PNLIPRP3: variants seen among roughly 807,000 people sequenced by gnomAD.
The protein encoded by PNLIPRP3 is pancreatic lipase-related protein 3.
Under a neutral mutation model 52.8 loss-of-function variants are expected in PNLIPRP3, and 58 were observed. That is an observed-to-expected ratio of 1.10 (90% confidence interval 0.89 to 1.37). The LOEUF (loss-of-function observed/expected upper bound fraction) is 1.37, where lower values mean the gene tolerates loss of function less well. Ranked by LOEUF, PNLIPRP3 falls within the 40% of genes most tolerant of loss-of-function variation. The pLI, the probability that PNLIPRP3 is intolerant of heterozygous loss-of-function variation, is 0.00. For missense variants in PNLIPRP3, 593 were observed against 561.6 expected (o/e 1.06, Z -0.57); for synonymous variants, 192 against 185.0 (o/e 1.04, Z -0.31).
At chr10:116,475,428 A>T (rs770531573) in intron 10 of PNLIPRP3, among the ~76,000 whole-genome samples, 1 of 152,318 alleles carries the variant, frequency 6.6e-6, no homozygotes, top group Admixed American at 6.5e-5. Flanking sequence ...GTTTAAAAAA[A>T]ATGTCCAGCT....
intron 10 of PNLIPRP3, among the ~76,000 whole-genome samples, chr10:116,472,934 A>G (rs1846398582): frequency 6.6e-6 from 1 of 152,160 alleles, no homozygotes; most frequent in Non-Finnish European, 1.5e-5. Context: ...TCATGGCTCC[A>G]TCAAGCCTCC....
intron 10 of PNLIPRP3, among the ~76,000 whole-genome samples, chr10:116,474,244 T>G (rs1017950391): frequency 6.6e-6 from 1 of 152,184 alleles, no homozygotes; most frequent in East Asian, 1.9e-4. Context: ...GCTAGCCATA[T>G]GCCAAAGACT....
In PNLIPRP3 at chr10:116,477,268, G is replaced by T; in HGVS notation, c.*115G>T. ...TGTAAATGACTTAGTCATTTACAAG[G>T]GTCTTACTCAGAGTCAAGTACGGGT... On this transcript the variant is annotated 3_prime_UTR_variant, in exon 12 of 12. Transcript: ENST00000369230. The T allele has an allele frequency of 3.9e-6, 3 of 767,138 alleles. No homozygotes were observed. Among genetic ancestry groups the T allele is most frequent in the Non-Finnish European group, 4.1e-6 (2 of 485,078 alleles). The allele number at this position is 767,138 out of a possible 1,614,324, so 47.5% of individuals were successfully genotyped here. A position where few individuals can be genotyped will look rare whatever the true frequency, so the allele number is the denominator to read the frequency against.
intron 3 of PNLIPRP3, among the ~76,000 whole-genome samples, chr10:116,443,775 G>A (rs535913551): frequency 1.7e-5 from 1 of 58,316 alleles, no homozygotes; most frequent in African/African-American, 4.5e-5. Context: ...ATGTGTGTGT[G>A]TGTGTGTGTG....
At position 116,427,934 on chromosome 10, in the gene PNLIPRP3, CT is replaced by C; in HGVS notation, c.-77del. On this transcript the variant is annotated 5_prime_UTR_variant, in exon 1 of 12. Coordinates refer to ENST00000369230, the MANE Select transcript of PNLIPRP3 (RefSeq NM_001011709.3). ...AGTTGCATCATTGTGAGGAAAACCACTTAGTATTTTATAGTGAGGTGACTTT... is the reference window on the plus strand; with the variant it reads ...AGTTGCATCATTGTGAGGAAAACCACTAGTATTTTATAGTGAGGTGACTTT... 3 of 1,081,456 alleles carry C rather than the reference CT, an allele frequency of 2.8e-6. No individual in the cohort carries two copies. Among genetic ancestry groups the C allele is most frequent in the Non-Finnish European group, 4.3e-6 (3 of 704,736 alleles). The allele number at this position is 1,081,456 out of a possible 1,614,324, so 67.0% of individuals were successfully genotyped here. A position where few individuals can be genotyped will look rare whatever the true frequency, so the allele number is the denominator to read the frequency against.
intron 4 of PNLIPRP3, among the ~76,000 whole-genome samples, chr10:116,445,681 T>C (rs1251519109): frequency 6.6e-6 from 1 of 152,180 alleles, no homozygotes; most frequent in East Asian, 1.9e-4. Context: ...ACAGGAGATG[T>C]TTGCAGAACT....
intron 2 of PNLIPRP3, chr10:116,439,764 C>T (rs1046836661): frequency 1.3e-6 from 1 of 770,710 alleles, no homozygotes; most frequent in Non-Finnish European, 2.4e-6. Flanking sequence ...CAGACGGTGG[C>T]CTTTTAGGGG....
At chr10:116,472,281 G>T (rs1218041426) in intron 10 of PNLIPRP3, among the ~76,000 whole-genome samples, 1 of 152,166 alleles carries the variant, frequency 6.6e-6, no homozygotes, top group African/African-American at 2.4e-5. Context: ...AGCTGTCTAA[G>T]CATTACCCAC....
At chr10:116,460,904 C>T (rs1205383748) in intron 5 of PNLIPRP3, 62 bp from the exon 6 acceptor site, 3 of 1,573,950 alleles carry the variant, frequency 1.9e-6, no homozygotes, top group African/African-American at 1.4e-5. Flanking sequence ...CACATGCTTC[C>T]AAAGTAACAA....
intron 3 of PNLIPRP3, 43 bp from the exon 4 acceptor site, chr10:116,444,339 T>C (rs949702533): frequency 2.0e-6 from 3 of 1,510,208 alleles, no homozygotes; most frequent in Non-Finnish European, 2.7e-6. Context: ...TCGGTTTCCT[T>C]GAACACTTAT....
Position 116,461,003 on chromosome 10 carries a change from A to G in PNLIPRP3, c.603A>G (p.Pro201=). 3.7e-6 allele frequency: 6 copies of G among 1,613,098 alleles called. No homozygotes were observed. The highest frequency in any genetic ancestry group is 5.1e-6 in the Non-Finnish European group (6 of 1,180,006). ...CTGGGCCATTTTTCCACAACACTCC[A>G]AAGGAAGTCAGGCTAGACCCCTCGG... ...DPAGPFFHNT[P]KEVRLDPSDA... Residue 201 remains proline, a synonymous_variant, in exon 6 of 12, where the codon CCA becomes CCG. Coordinates refer to ENST00000369230, the MANE Select transcript of PNLIPRP3 (RefSeq NM_001011709.3).
chr10:116,471,139 G>A (rs539590245), intron 9 of PNLIPRP3, among the ~76,000 whole-genome samples: 11 of 152,172 alleles, frequency 7.2e-5, no homozygotes, highest in East Asian at 1.9e-4. Flanking sequence ...GTTATTAAGC[G>A]TACAGTAATT....
At position 116,427,949 on chromosome 10, in the gene PNLIPRP3, T is replaced by G; in HGVS notation, c.-64T>G. On this transcript the variant is annotated 5_prime_UTR_variant, in exon 1 of 12. Coordinates refer to ENST00000369230, the MANE Select transcript of PNLIPRP3 (RefSeq NM_001011709.3). Reference sequence around the variant, plus strand: ...AGGAAAACCACTTAGTATTTTATAGTGAGGTGACTTTACAAGTAAAGATCT... The same window carrying G: ...AGGAAAACCACTTAGTATTTTATAGGGAGGTGACTTTACAAGTAAAGATCT... 1 of 1,242,798 alleles carries G rather than the reference T, an allele frequency of 8.0e-7. No individual in the cohort carries two copies. The highest frequency in any genetic ancestry group is 1.8e-5 in the Admixed American group (1 of 57,070). 77.0% of individuals were successfully genotyped at this position (1,242,798 alleles called of 1,614,324 possible).
chr10:116,444,114 C>T (rs1845906355), intron 3 of PNLIPRP3, among the ~76,000 whole-genome samples: 1 of 151,844 alleles, frequency 6.6e-6, no homozygotes, highest in African/African-American at 2.4e-5. Context: ...CTTATAAAAC[C>T]ATCAGATCTC....
chr10:116,447,979 GAGGA>G (rs1325431520), intron 4 of PNLIPRP3, among the ~76,000 whole-genome samples: 3 of 141,692 alleles, frequency 2.1e-5, no homozygotes, highest in Non-Finnish European at 4.6e-5. Context: ...AAAAATGAAA[GAGGA>G]AGGAAGGAAG....
At chr10:116,470,496 AAT>A (rs1397695719) in intron 9 of PNLIPRP3, among the ~76,000 whole-genome samples, 3 of 139,712 alleles carry the variant, frequency 2.1e-5, no homozygotes, top group African/African-American at 5.3e-5. Context: ...CACCACAGCA[AAT>A]ATATATATAT....
chr10:116,464,535 T>C (rs920320389), intron 7 of PNLIPRP3, among the ~76,000 whole-genome samples: 7 of 152,114 alleles, frequency 4.6e-5, no homozygotes, highest in Non-Finnish European at 8.8e-5. Context: ...CCCACTGCTG[T>C]GGTAGGGCAG....
At chr10:116,453,366 C>T (rs1846066950) in intron 4 of PNLIPRP3, among the ~76,000 whole-genome samples, 1 of 152,050 alleles carries the variant, frequency 6.6e-6, no homozygotes, top group South Asian at 2.1e-4. Flanking sequence ...AGAACTTTGA[C>T]TTTGAGCTTT....
At chr10:116,430,373 G>C (rs997210512) in intron 1 of PNLIPRP3, among the ~76,000 whole-genome samples, 1 of 151,164 alleles carries the variant, frequency 6.6e-6, no homozygotes, top group Admixed American at 6.6e-5. Context: ...AGGAAAATAT[G>C]ATATGATGGC....
Sources: allele counts gnomAD v4.1 joint callset (sites outside exome capture counted in the v4.1 genomes callset), GRCh38; gene constraint gnomAD v4.1.1; transcripts MANE v1.5; gene names NCBI Gene and HGNC (gene_info 2026-07-23, HGNC 2026-07-21).